The following SMOC2 variants were observed in gnomAD, a reference collection of about 807,000 sequenced individuals.
SMOC2 encodes SPARC related modular calcium binding 2, also known as SPARC-related modular calcium-binding protein 2.
SMOC2 carries 39 observed loss-of-function variants against 61.4 expected under a neutral mutation model. The observed-to-expected ratio is 0.64, with a 90% confidence interval of 0.49 to 0.83. The LOEUF is 0.83. Among genes scored for constraint, SMOC2 ranks in the 40% least tolerant of loss-of-function variants. SMOC2 has a pLI of 0.00. For missense variants in SMOC2, 556 were observed against 592.9 expected (o/e 0.94, Z 0.65); for synonymous variants, 247 against 239.9 (o/e 1.03, Z -0.27).
chr6:168,498,625 G>T (rs188345034), intron 1 of SMOC2, among the ~76,000 whole-genome samples: 2 of 152,192 alleles, frequency 1.3e-5, no homozygotes, highest in African/African-American at 4.8e-5. Context: ...TGAGAGAGCC[G>T]CAACATGTGA....
chr6:168,581,607 C>A (rs1253590816), intron 7 of SMOC2, among the ~76,000 whole-genome samples: 1 of 152,222 alleles, frequency 6.6e-6, no homozygotes, highest in Non-Finnish European at 1.5e-5. Flanking sequence ...GAATATCAAT[C>A]ATTACCTATT....
chr6:168,617,383 G>C (rs962067338), intron 9 of SMOC2, among the ~76,000 whole-genome samples: 1 of 152,152 alleles, frequency 6.6e-6, no homozygotes, highest in African/African-American at 2.4e-5. Flanking sequence ...GTTTCTCACC[G>C]ACGTGGCTGA....
intron 7 of SMOC2, among the ~76,000 whole-genome samples, chr6:168,589,032 G>A (rs954920835): frequency 4.8e-5 from 7 of 146,794 alleles, no homozygotes; most frequent in South Asian, 4.3e-4. Context: ...AGTTGAGATC[G>A]TGCCACTGCA....
At chr6:168,563,898 G>C (rs921964705) in intron 7 of SMOC2, among the ~76,000 whole-genome samples, 1 of 152,086 alleles carries the variant, frequency 6.6e-6, no homozygotes, top group Admixed American at 6.5e-5. Flanking sequence ...CTGCGTCTCC[G>C]GCTTCAGGGG....
At chr6:168,666,222 A>G (rs573662187) in intron 12 of SMOC2, among the ~76,000 whole-genome samples, 199 bp from the exon 13 acceptor site, 17 of 152,152 alleles carry the variant, frequency 1.1e-4, no homozygotes, top group East Asian at 3.9e-4. Flanking sequence ...CAATTTTTCT[A>G]TCATGTCAAG....
chr6:168,661,771 A>G (rs1478915112), intron 11 of SMOC2, among the ~76,000 whole-genome samples: 1 of 152,224 alleles, frequency 6.6e-6, no homozygotes. Flanking sequence ...TTGGCTCAGA[A>G]TAGATTCAAA....
rs188926380 is a variant in SMOC2, at chr6:168,610,081, G to A, written c.907+1842G>A. Among the ~76,000 whole-genome samples the A allele has an allele frequency of 1.7e-3, 266 of 152,280 alleles. 1 individual carries two copies. Among genetic ancestry groups the A allele is most frequent in the African/African-American group, 5.9e-3 (244 of 41,544 alleles). The stretch of plus-strand genomic sequence containing the variant: ...GTCATTTGTCCAGTGAGAACAACTG[G>A]TCCTTGATATTGAGAAACATGATGT... On this transcript the variant is annotated intron_variant, in intron 9 of 12. Coordinates refer to ENST00000356284, the MANE Select transcript of SMOC2 (RefSeq NM_001166412.2).
intron 2 of SMOC2, among the ~76,000 whole-genome samples, chr6:168,516,694 C>G (rs74300277): frequency 6.6e-6 from 1 of 152,162 alleles, no homozygotes; most frequent in African/African-American, 2.4e-5. Flanking sequence ...ACAAGATGAA[C>G]GCACATGCTG....
At position 168,463,631 on chromosome 6, in the gene SMOC2, G is replaced by A. The variant is rs1241951682; in HGVS notation, c.84+22177G>A. Among the ~76,000 whole-genome samples, 5 of 152,240 alleles carry A rather than the reference G, an allele frequency of 3.3e-5. No individual in the cohort carries two copies. The South Asian group carries it at 1.0e-3, about 32-fold the overall frequency. ...AACGGAAGAAAGAAGAGTAAGGTGC[G>A]GCTGGGTAACATCCTGTGCTTACAG... On this transcript the variant is annotated intron_variant, in intron 1 of 12. Coordinates refer to ENST00000356284, the MANE Select transcript of SMOC2 (RefSeq NM_001166412.2).
intron 9 of SMOC2, among the ~76,000 whole-genome samples, chr6:168,629,641 G>T (rs1786514103): frequency 6.6e-6 from 1 of 152,196 alleles, no homozygotes; most frequent in African/African-American, 2.4e-5. Context: ...CTCAAGTACA[G>T]CCTGGGGAAG....
At chr6:168,664,331 A>G (rs927131193) in intron 12 of SMOC2, 10 of 537,172 alleles carry the variant, frequency 1.9e-5, no homozygotes, top group Admixed American at 1.3e-4. Context: ...AAAGTTTATT[A>G]TTTGAACTTT....
intron 1 of SMOC2, among the ~76,000 whole-genome samples, chr6:168,469,461 T>C (rs1176673109): frequency 6.6e-6 from 1 of 152,236 alleles, no homozygotes; most frequent in Non-Finnish European, 1.5e-5. Context: ...CATGCAGACT[T>C]GGTTGGTTGA....
chr6:168,504,650 G>A (rs2749249), intron 1 of SMOC2, among the ~76,000 whole-genome samples: 72,941 of 151,754 alleles, frequency 0.48, 18,260 homozygotes, highest in African/African-American at 0.6. Flanking sequence ...TATCCCCCCA[G>A]ATCAGCTTTG....
chr6:168,548,382 TTTGCTTTTGTTGCCCAG>T (rs1784056434), intron 6 of SMOC2, among the ~76,000 whole-genome samples: 1 of 147,834 alleles, frequency 6.8e-6, no homozygotes, highest in African/African-American at 2.6e-5. Context: ...GAGACAGAGT[TTTGCTTTTGTTGCCCAG>T]GCTTCTGGAG....
In SMOC2 at chr6:168,441,260, G is replaced by C; in HGVS notation, c.-111G>C. 7.3e-7 allele frequency: 1 copy of C among 1,366,676 alleles called. No individual in the cohort carries two copies. Among genetic ancestry groups the C allele is most frequent in the Non-Finnish European group, 9.4e-7 (1 of 1,069,154 alleles). 84.7% of individuals were successfully genotyped at this position (1,366,676 alleles called of 1,614,324 possible). Reference sequence around the variant, plus strand: ...CGGGAGCGGTGGGGAGAGCATCGCGGAGCCGCCCCTCCACGCGCCCGCCCA... The same window carrying C: ...CGGGAGCGGTGGGGAGAGCATCGCGCAGCCGCCCCTCCACGCGCCCGCCCA... On this transcript the variant is annotated 5_prime_UTR_variant, in exon 1 of 13. Transcript: ENST00000356284.
Position 168,441,296 on chromosome 6 carries a change from C to T in SMOC2, c.-75C>T. The T allele has an allele frequency of 6.9e-7, 1 of 1,451,504 alleles. No individual in the cohort carries two copies. The highest frequency in any genetic ancestry group is 1.5e-5 in the African/African-American group (1 of 67,328). The allele number at this position is 1,451,504 out of a possible 1,614,324, so 89.9% of individuals were successfully genotyped here. ...CCACGCGCCCGCCCAGCCGCGCTCG[C>T]CCACTGGGCTCTCCCGGCTGCAGTG... On this transcript the variant is annotated 5_prime_UTR_variant, in exon 1 of 13. Transcript: ENST00000356284.
intron 1 of SMOC2, among the ~76,000 whole-genome samples, chr6:168,498,809 G>A (rs1314160170): frequency 8.1e-6 from 1 of 123,252 alleles, no homozygotes; most frequent in Non-Finnish European, 2.0e-5. Context: ...GTCTCTGGGG[G>A]GATGGCCAGG....
chr6:168,535,150 T>G lies in SMOC2; in HGVS notation c.463+7423T>G, dbSNP rs1783704022. The stretch of plus-strand genomic sequence containing the variant: ...CACGCCCAGCTAATGTTTTGTATTT[T>G]TAGTAGAAACGGGGTTTCACCGTGT... On this transcript the variant is annotated intron_variant, in intron 4 of 12. Coordinates refer to ENST00000356284, the MANE Select transcript of SMOC2 (RefSeq NM_001166412.2). This position sits in a 1 kb window ranked among gnomAD's most constrained non-coding sequence, Gnocchi z 4.6. 6.6e-6 allele frequency among the ~76,000 whole-genome samples: 1 copy of G among 151,916 alleles called. No homozygotes were observed. The highest frequency in any genetic ancestry group is 6.6e-5 in the Admixed American group (1 of 15,242).
intron 9 of SMOC2, among the ~76,000 whole-genome samples, chr6:168,628,720 T>C (rs1310509861): frequency 2.0e-5 from 3 of 152,210 alleles, no homozygotes; most frequent in East Asian, 1.9e-4. Context: ...CGTGGTACAG[T>C]AGATGGGACT....
Sources: gnomAD v4.1 joint callset for allele counts (sites outside exome capture counted in the v4.1 genomes callset) on GRCh38, gnomAD v4.1.1 for gene constraint, Gnocchi (gnomAD v3.1) non-coding constraint, MANE v1.5 for transcripts, NCBI Gene and HGNC (gene_info 2026-07-23, HGNC 2026-07-21) for gene names.